Variants in PLEKHO2 observed in about 807,000 individuals in gnomAD.
The protein encoded by PLEKHO2 is pleckstrin homology domain containing O2.
A neutral mutation model predicts 32.7 loss-of-function variants in PLEKHO2; 20 were observed. The ratio of observed to expected loss-of-function variants is 0.61; its 90% CI spans 0.43 to 0.89. PLEKHO2 has a LOEUF of 0.89. PLEKHO2 is among the 40% of genes least tolerant of loss of function. PLEKHO2 has a pLI of 0.00. For missense variants in PLEKHO2, 568 were observed against 621.2 expected, an observed-to-expected ratio of 0.91 and a Z score of 0.91; for synonymous variants, 247 against 246.3, an observed-to-expected ratio of 1.00 and a Z score of -0.03.
Position 64,865,090 on chromosome 15 carries a change from TG to T in PLEKHO2, c.676del (p.Val226TrpfsTer45). 1 of 1,614,070 alleles carries T rather than the reference TG, an allele frequency of 6.2e-7. No homozygotes were observed. The highest frequency in any genetic ancestry group is 8.5e-7 in the Non-Finnish European group (1 of 1,179,996). ...GCCCTGGTGACAGGGTGGAGACCCC[TG>T]TGGGGGAGAGAGCCCCAACCCCTGT... is the stretch of plus-strand genomic sequence containing the variant. ...TSPGDRVETP[V>X]GERAPTPVSA... On this transcript the variant is annotated frameshift_variant, in exon 6 of 6. Coordinates refer to ENST00000323544, the MANE Select transcript of PLEKHO2 (RefSeq NM_025201.5). LOFTEE classifies it low-confidence loss of function (END_TRUNC).
chr15:64,857,466 C>G (rs1257736019), intron 3 of PLEKHO2, among the ~76,000 whole-genome samples: 1 of 152,190 alleles, frequency 6.6e-6, no homozygotes, highest in Admixed American at 6.5e-5. Flanking sequence ...TTCTGAGTAG[C>G]CGGGACTGCA....
chr15:64,865,545 C>T lies in PLEKHO2; in HGVS notation c.1130C>T (p.Pro377Leu), dbSNP rs376816563. The T allele has an allele frequency of 8.1e-6, 13 of 1,614,038 alleles. No homozygotes were observed. The African/African-American group carries it at 1.5e-4, about 18-fold the overall frequency. Residue 377 changes from proline to leucine, a missense_variant, in exon 6 of 6, where the codon CCC (proline) becomes CTC (leucine). Transcript: ENST00000323544. ...GCAACAACATCCACAGCACTGCCCC[C>T]CTGGGACCTGCCACCTCAGTTCCAT... is the stretch of plus-strand genomic sequence containing the variant. ...KDATTSTALP[P>L]WDLPPQFHPR...
At chr15:64,857,223 C>T (rs1436669298) in intron 3 of PLEKHO2, among the ~76,000 whole-genome samples, 4 of 152,210 alleles carry the variant, frequency 2.6e-5, no homozygotes, top group African/African-American at 4.8e-5. Context: ...GTCCTGTTAG[C>T]ATCTAAGCTC....
In PLEKHO2 at chr15:64,866,284, A is replaced by C. The variant is rs533304826; in HGVS notation, c.*396A>C. On this transcript the variant is annotated 3_prime_UTR_variant, in exon 6 of 6. Transcript: ENST00000323544. ...TACATTCCTGACTTCTGAATACAGC[A>C]CAGCTGAGCCCCCTGCAGCTCCCAT... 7 of 463,780 alleles carry C rather than the reference A, an allele frequency of 1.5e-5. No homozygotes were observed. In the East Asian group the frequency reaches 4.7e-4, roughly 31 times the overall value. The allele number at this position is 463,780 out of a possible 1,614,324, so 28.7% of individuals were successfully genotyped here. A position where few individuals can be genotyped will look rare whatever the true frequency, so the allele number is the denominator to read the frequency against.
chr15:64,848,443 A>AT, intron 1 of PLEKHO2, 150 bp from the exon 2 acceptor site: 2 of 826,792 alleles, frequency 2.4e-6, no homozygotes, highest in Non-Finnish European at 1.9e-6. Context: ...TGGGTTAGGA[A>AT]TATCTGCCTT....
At position 64,865,621 on chromosome 15, in the gene PLEKHO2, C is replaced by T. The variant is rs1391529946; in HGVS notation, c.1206C>T (p.Pro402=). The T allele has an allele frequency of 1.9e-6, 3 of 1,614,264 alleles. No homozygotes were observed. The highest frequency in any genetic ancestry group is 2.5e-6 in the Non-Finnish European group (3 of 1,180,042). Residue 402 remains proline, a synonymous_variant, in exon 6 of 6, where the codon CCC becomes CCT. Coordinates refer to ENST00000323544, the MANE Select transcript of PLEKHO2 (RefSeq NM_025201.5). The part of the protein sequence containing the change: ...GDLLGEGPRH[P]LQPRERLYRA... The stretch of plus-strand genomic sequence containing the variant: ...TGCTTGGGGAAGGCCCGCGGCATCC[C>T]TTGCAGCCCAGGGAACGGCTATATC...
intron 5 of PLEKHO2, among the ~76,000 whole-genome samples, chr15:64,862,285 G>C (rs1376140760): frequency 6.6e-6 from 1 of 152,118 alleles, no homozygotes; most frequent in East Asian, 1.9e-4. Context: ...GCAGGGGCCA[G>C]GAAGGAGGTG....
intron 1 of PLEKHO2, 102 bp downstream of exon 1, chr15:64,842,130 G>T (rs1235197314): frequency 4.6e-6 from 5 of 1,079,366 alleles, no homozygotes; most frequent in Non-Finnish European, 5.9e-6. Context: ...CCCCACTCCC[G>T]CCAGTCTCAC....
intron 5 of PLEKHO2, among the ~76,000 whole-genome samples, chr15:64,862,825 G>A (rs2084652123): frequency 6.6e-6 from 1 of 151,894 alleles, no homozygotes; most frequent in East Asian, 1.9e-4. Context: ...TGTGCACAAT[G>A]TGCAGGTTAG....
At chr15:64,864,206 A>G (rs961812322) in intron 5 of PLEKHO2, among the ~76,000 whole-genome samples, 2 of 151,982 alleles carry the variant, frequency 1.3e-5, no homozygotes, top group African/African-American at 4.8e-5. Context: ...GGATATCCCT[A>G]TTGGTCCCTG....
At chr15:64,854,560 T>G (rs1367606277) in intron 2 of PLEKHO2, among the ~76,000 whole-genome samples, 1 of 152,238 alleles carries the variant, frequency 6.6e-6, no homozygotes, top group South Asian at 2.1e-4. Context: ...TGCATTCTTC[T>G]TCTGGCTTTC....
intron 3 of PLEKHO2, among the ~76,000 whole-genome samples, chr15:64,858,002 C>T (rs1411002193): frequency 6.6e-6 from 1 of 152,206 alleles, no homozygotes; most frequent in Non-Finnish European, 1.5e-5. Context: ...AGCTCTGAGC[C>T]TGTGAATAGG....
At chr15:64,848,463 G>A in intron 1 of PLEKHO2, 130 bp from the exon 2 acceptor site, 3 of 1,031,932 alleles carry the variant, frequency 2.9e-6, no homozygotes, top group Non-Finnish European at 4.3e-6. Flanking sequence ...TGGGGGTTGT[G>A]GGGAAGCTCA....
chr15:64,843,810 C>T (rs527474559), intron 1 of PLEKHO2, among the ~76,000 whole-genome samples: 20 of 152,198 alleles, frequency 1.3e-4, no homozygotes, highest in African/African-American at 4.6e-4. Flanking sequence ...GAACTCCTGA[C>T]CTCAGGTGAT....
chr15:64,843,159 G>C (rs1015022426), intron 1 of PLEKHO2, among the ~76,000 whole-genome samples: 4 of 152,236 alleles, frequency 2.6e-5, no homozygotes, highest in Admixed American at 2.0e-4. Flanking sequence ...CTAGTGGTCC[G>C]TCAGGGCTCC....
At chr15:64,856,714 T>C (rs562749507) in intron 3 of PLEKHO2, among the ~76,000 whole-genome samples, 3 of 152,314 alleles carry the variant, frequency 2.0e-5, no homozygotes, top group Non-Finnish European at 4.4e-5. Context: ...GTGCTGCGGA[T>C]GAAACAGTGC....
intron 1 of PLEKHO2, 32 bp downstream of exon 1, chr15:64,842,060 G>A: frequency 8.1e-7 from 1 of 1,235,048 alleles, no homozygotes; most frequent in South Asian, 3.8e-5. Flanking sequence ...GCGTTGGGCT[G>A]GGGTCCTCGA....
chr15:64,865,171 AGAG>A lies in PLEKHO2; in HGVS notation c.762_764del (p.Glu254del). 1 of 1,614,162 alleles carries A rather than the reference AGAG, an allele frequency of 6.2e-7. No individual in the cohort carries two copies. Among genetic ancestry groups the A allele is most frequent in the South Asian group, 1.1e-5 (1 of 91,084 alleles). ...GCCAAGAGGACTCAGAGACCCCAGC[AGAG>A]GAGGACAGTGGCTCTGAGCAGCCTC... On this transcript the variant is annotated inframe_deletion, in exon 6 of 6. Transcript: ENST00000323544.
intron 4 of PLEKHO2, 30 bp from the exon 5 acceptor site, chr15:64,861,447 A>G (rs748733272): frequency 1.3e-6 from 2 of 1,536,854 alleles, no homozygotes; most frequent in East Asian, 4.7e-5. Context: ...AAGGCTTGGC[A>G]GGGGCTGATC....
Sources: gnomAD v4.1 joint callset for allele counts (sites outside exome capture counted in the v4.1 genomes callset) on GRCh38, gnomAD v4.1.1 for gene constraint, MANE v1.5 for transcripts, NCBI Gene and HGNC (gene_info 2026-07-23, HGNC 2026-07-21) for gene names.